AKAP6: variants seen among roughly 807,000 people sequenced by gnomAD.
AKAP6 encodes the protein A-kinase anchoring protein 6, also known as A-kinase anchor protein 6.
Under a neutral mutation model 188.5 loss-of-function variants are expected in AKAP6, and 58 were observed. That is an observed-to-expected ratio of 0.31 (90% CI 0.25 to 0.38). AKAP6 has a LOEUF of 0.38. AKAP6 is among the 10% of genes least tolerant of loss of function. The pLI is 1.00. For synonymous variants in AKAP6, 989 were observed against 998.6 expected, an observed-to-expected ratio of 0.99 and a Z score of 0.18; for missense variants, 2,710 against 2,740.0, an observed-to-expected ratio of 0.99 and a Z score of 0.24.
At chr14:32,390,146 C>G (rs4399468) in intron 1 of AKAP6, among the ~76,000 whole-genome samples, 134,649 of 152,094 alleles carry the variant, frequency 0.89, 60,839 homozygotes, top group Non-Finnish European at 0.97. Flanking sequence ...GTTGCTGAGA[C>G]TTTCCAGAGC....
intron 12 of AKAP6, among the ~76,000 whole-genome samples, chr14:32,774,488 G>A (rs985698201): frequency 6.6e-6 from 1 of 152,202 alleles, no homozygotes; most frequent in South Asian, 2.1e-4. Flanking sequence ...TTAATGCAGT[G>A]CTCAAGGTGG....
At chr14:32,393,217 A>T (rs1369954873) in intron 1 of AKAP6, among the ~76,000 whole-genome samples, 7 of 152,164 alleles carry the variant, frequency 4.6e-5, no homozygotes, top group Non-Finnish European at 1.0e-4. Flanking sequence ...AGACATACTG[A>T]CATGTTTGCC....
chr14:32,663,108 ATTC>A (rs1188887825), intron 7 of AKAP6, among the ~76,000 whole-genome samples: 2 of 152,050 alleles, frequency 1.3e-5, no homozygotes, highest in Non-Finnish European at 1.5e-5. Context: ...AATTACAATA[ATTC>A]TTCTTTTTTA....
intron 7 of AKAP6, among the ~76,000 whole-genome samples, chr14:32,661,699 G>A (rs1158407026): frequency 1.3e-5 from 2 of 152,118 alleles, no homozygotes; most frequent in African/African-American, 4.8e-5. Flanking sequence ...ACTGGTTAGA[G>A]GCAATACCTA....
intron 11 of AKAP6, among the ~76,000 whole-genome samples, chr14:32,762,228 T>C (rs1373457792): frequency 6.6e-6 from 1 of 152,148 alleles, no homozygotes; most frequent in Non-Finnish European, 1.5e-5. Flanking sequence ...TAAAATTGCA[T>C]ACTTTATTCC....
At chr14:32,515,805 A>G (rs746634627) in intron 2 of AKAP6, among the ~76,000 whole-genome samples, 10 of 152,220 alleles carry the variant, frequency 6.6e-5, no homozygotes, top group Admixed American at 6.5e-5. Context: ...TATCGGTAAC[A>G]TCAGTATGTA....
intron 4 of AKAP6, among the ~76,000 whole-genome samples, chr14:32,559,608 TA>T (rs1161179043): frequency 6.6e-6 from 1 of 152,100 alleles, no homozygotes; most frequent in East Asian, 1.9e-4. Context: ...CCTCTAGCAG[TA>T]ATTTTCAACT....
intron 2 of AKAP6, among the ~76,000 whole-genome samples, chr14:32,456,388 A>C (rs1343408784): frequency 6.6e-6 from 1 of 152,192 alleles, no homozygotes; most frequent in African/African-American, 2.4e-5. Flanking sequence ...CTTCAAAAAA[A>C]CCAAAGAGAT....
chr14:32,588,559 G>A (rs2139310109), intron 5 of AKAP6, among the ~76,000 whole-genome samples: 1 of 152,264 alleles, frequency 6.6e-6, no homozygotes, highest in African/African-American at 2.4e-5. Flanking sequence ...TTGAGGCCAT[G>A]TTTATAGTAG....
At position 32,372,770 on chromosome 14, in the gene AKAP6, C is replaced by CTGTG. The variant is rs3031400; in HGVS notation, c.-35+43394_-35+43397dup. 7.3e-3 allele frequency among the ~76,000 whole-genome samples: 1,080 copies of CTGTG among 147,596 alleles called. 11 individuals are homozygous for CTGTG. Among genetic ancestry groups the CTGTG allele is most frequent in the African/African-American group, 0.02 (801 of 39,944 alleles). On this transcript the variant is annotated intron_variant, in intron 1 of 13. Transcript: ENST00000280979. ...TTTACCTCTACATCTTTTTGTTGCTCTGTGTGTGTGTGTGTGTGTGTGTGT... is the reference window on the plus strand; with the variant it reads ...TTTACCTCTACATCTTTTTGTTGCTCTGTGTGTGTGTGTGTGTGTGTGTGTGTGT...
At chr14:32,473,684 G>T (rs10872866) in intron 2 of AKAP6, 3,826 of 152,180 alleles carry the variant, frequency 0.025, 58 homozygotes, top group Non-Finnish European at 0.033. Context: ...GGTGCGGGGG[G>T]ACTGACATTC....
At chr14:32,353,996 A>G (rs1027161291) in intron 1 of AKAP6, among the ~76,000 whole-genome samples, 72 of 152,308 alleles carry the variant, frequency 4.7e-4, no homozygotes, top group African/African-American at 1.6e-3. Context: ...ATGCTCATGG[A>G]TAGGAAGAAT....
At chr14:32,743,954 T>C (rs1372444184) in intron 11 of AKAP6, among the ~76,000 whole-genome samples, 1 of 152,256 alleles carries the variant, frequency 6.6e-6, no homozygotes, top group Non-Finnish European at 1.5e-5. Flanking sequence ...GGATTTCTTG[T>C]AGGACAGGTC....
At chr14:32,655,647 AAG>A (rs1888423934) in intron 7 of AKAP6, among the ~76,000 whole-genome samples, 1 of 152,182 alleles carries the variant, frequency 6.6e-6, no homozygotes, top group Non-Finnish European at 1.5e-5. Context: ...TCATCGAAGT[AAG>A]AGAGCAGATT....
intron 7 of AKAP6, among the ~76,000 whole-genome samples, chr14:32,615,762 A>T (rs1314242308): frequency 1.3e-5 from 2 of 151,708 alleles, no homozygotes; most frequent in South Asian, 2.1e-4. Context: ...CACCCAGCTA[A>T]TTTTTTGTAT....
At chr14:32,433,986 T>A in intron 2 of AKAP6, 169 bp downstream of exon 2, 1 of 648,754 alleles carries the variant, frequency 1.5e-6, no homozygotes, top group Middle Eastern at 4.3e-4. Flanking sequence ...AATTCTTCTC[T>A]GATTTTACTA....
At chr14:32,368,983 T>A (rs1887925250) in intron 1 of AKAP6, among the ~76,000 whole-genome samples, 1 of 152,196 alleles carries the variant, frequency 6.6e-6, no homozygotes, top group South Asian at 2.1e-4. Flanking sequence ...TCATACTCTT[T>A]AAAGTTAGGC....
intron 7 of AKAP6, among the ~76,000 whole-genome samples, chr14:32,675,942 G>C (rs1889406941): frequency 6.6e-6 from 1 of 152,180 alleles, no homozygotes; most frequent in Non-Finnish European, 1.5e-5. Flanking sequence ...GTTGAGTCTA[G>C]ATGAAGTTGA....
At chr14:32,560,148 C>T (rs781487918) in intron 4 of AKAP6, among the ~76,000 whole-genome samples, 5 of 152,048 alleles carry the variant, frequency 3.3e-5, no homozygotes, top group Non-Finnish European at 1.5e-5. Flanking sequence ...GGCCCAAATC[C>T]AGTTTGGGAA....
Sources: allele counts gnomAD v4.1 joint callset (sites outside exome capture counted in the v4.1 genomes callset), GRCh38; gene constraint gnomAD v4.1.1; transcripts MANE v1.5; gene names NCBI Gene and HGNC (gene_info 2026-07-23, HGNC 2026-07-21).